PRKCB: variants seen among roughly 807,000 people sequenced by gnomAD.
PRKCB encodes the protein protein kinase C beta.
In PRKCB, 13 loss-of-function variants were observed where a neutral mutation model predicts 81.5. That is an observed-to-expected ratio of 0.16 (90% CI 0.10 to 0.25). The LOEUF is 0.25. Ranked by LOEUF, PRKCB falls within the 10% of genes least tolerant of loss-of-function variation. The pLI is 1.00. For missense variants in PRKCB, 509 were observed against 875.7 expected, an observed-to-expected ratio of 0.58 and a Z score of 5.29; for synonymous variants, 335 against 321.4, an observed-to-expected ratio of 1.04 and a Z score of -0.45.
intron 3 of PRKCB, among the ~76,000 whole-genome samples, chr16:24,013,622 G>A (rs1402730284): frequency 6.6e-6 from 1 of 152,138 alleles, no homozygotes; most frequent in Non-Finnish European, 1.5e-5. Flanking sequence ...CCCCTGCTGG[G>A]ATCTGTAAAT....
At chr16:23,953,057 T>C (rs1161572776) in intron 2 of PRKCB, among the ~76,000 whole-genome samples, 1 of 152,206 alleles carries the variant, frequency 6.6e-6, no homozygotes, top group Non-Finnish European at 1.5e-5. Flanking sequence ...CCATGCATTA[T>C]TGCGTTTAAT....
At chr16:24,005,953 A>G (rs562184332) in intron 3 of PRKCB, among the ~76,000 whole-genome samples, 2 of 152,342 alleles carry the variant, frequency 1.3e-5, no homozygotes, top group South Asian at 2.1e-4. Flanking sequence ...TGAGGGTTGA[A>G]CATCTCTCTT....
At chr16:23,840,451 G>A (rs1962245084) in intron 2 of PRKCB, among the ~76,000 whole-genome samples, 2 of 152,172 alleles carry the variant, frequency 1.3e-5, no homozygotes, top group Admixed American at 1.3e-4. Flanking sequence ...AGGGCATATA[G>A]CACATGCTCG....
chr16:23,925,554 T>A (rs1212643189), intron 2 of PRKCB, among the ~76,000 whole-genome samples: 1 of 152,110 alleles, frequency 6.6e-6, no homozygotes, highest in Non-Finnish European at 1.5e-5. Context: ...AGCCTTGAAG[T>A]GCCGAAACCC....
intron 2 of PRKCB, among the ~76,000 whole-genome samples, chr16:23,869,484 C>T (rs548868980): frequency 2.0e-5 from 3 of 152,336 alleles, no homozygotes; most frequent in African/African-American, 7.2e-5. Flanking sequence ...TGAGCCAGGT[C>T]GAACTCCCAA....
At position 24,191,168 on chromosome 16, in the gene PRKCB, C is replaced by T. The variant is rs753672328; in HGVS notation, c.1801C>T (p.Arg601Trp). ...TGATATCAAAGAGCATGCATTTTTCCGGTATATTGATTGGGAGAAACTTGA... is the reference window on the plus strand; with the variant it reads ...TGATATCAAAGAGCATGCATTTTTCTGGTATATTGATTGGGAGAAACTTGA... ...ERDIKEHAFF[R>W]YIDWEKLERK... is the part of the protein sequence containing the mutation. Residue 601 changes from arginine (R) to tryptophan (W), a missense_variant, in exon 16 of 17, where the codon CGG becomes TGG. By Grantham distance (101) the Arg-to-Trp change is moderately radical. Coordinates refer to ENST00000643927, the MANE Select transcript of PRKCB (RefSeq NM_002738.7). 4.3e-6 allele frequency: 7 copies of T among 1,614,046 alleles called. No individual in the cohort carries two copies. The highest frequency in any genetic ancestry group is 2.2e-5 in the East Asian group (1 of 44,878).
intron 2 of PRKCB, among the ~76,000 whole-genome samples, chr16:23,934,319 T>G (rs1340253832): frequency 1.7e-4 from 1 of 5,738 alleles, no homozygotes; most frequent in Admixed American, 1.3e-3. Flanking sequence ...AAAAAAGCTG[T>G]TTTTTTTTTT....
intron 16 of PRKCB, among the ~76,000 whole-genome samples, chr16:24,212,177 T>C (rs1968148336): frequency 6.6e-6 from 1 of 152,152 alleles, no homozygotes; most frequent in African/African-American, 2.4e-5. Flanking sequence ...GTCCTTAGCT[T>C]GGCTGATACT....
intron 2 of PRKCB, among the ~76,000 whole-genome samples, chr16:23,971,538 G>A (rs898672021): frequency 1.8e-4 from 28 of 152,160 alleles, no homozygotes; most frequent in African/African-American, 6.5e-4. Context: ...TTAAGCCAAA[G>A]GGAGGTGGCA....
rs770864109 is a variant in PRKCB at position 24,123,825 on chromosome 16, C to G, written c.919-10C>G. 1 of 1,613,396 alleles carries G rather than the reference C, an allele frequency of 6.2e-7. No homozygotes were observed. The highest frequency in any genetic ancestry group is 1.3e-5 in the African/African-American group (1 of 74,860). ...CCTGAGCATGTTTTCTGTGTGCTTC[C>G]TTTTTGCAGAGGGCCAAGATCAGTC... On this transcript the variant is annotated splice_polypyrimidine_tract_variant and intron_variant, in intron 8 of 16. Coordinates refer to ENST00000643927, the MANE Select transcript of PRKCB (RefSeq NM_002738.7).
At chr16:23,886,052 A>C (rs1347752279) in intron 2 of PRKCB, among the ~76,000 whole-genome samples, 1 of 152,232 alleles carries the variant, frequency 6.6e-6, no homozygotes, top group African/African-American at 2.4e-5. Flanking sequence ...CAACTCTTTG[A>C]GACAAGTGTG....
At chr16:23,844,056 A>G (rs1164321661) in intron 2 of PRKCB, among the ~76,000 whole-genome samples, 1 of 152,216 alleles carries the variant, frequency 6.6e-6, no homozygotes, top group African/African-American at 2.4e-5. Flanking sequence ...CTTTTCAGAT[A>G]CAGGTCATTA....
At chr16:24,117,715 G>A (rs1966751094) in intron 8 of PRKCB, among the ~76,000 whole-genome samples, 1 of 152,148 alleles carries the variant, frequency 6.6e-6, no homozygotes, top group Admixed American at 6.5e-5. Flanking sequence ...AGCACCATAA[G>A]TTAATAAGGA....
chr16:23,881,996 T>TTCTTTCTTTCTTTC (rs1432248441), intron 2 of PRKCB, among the ~76,000 whole-genome samples: 2 of 63,024 alleles, frequency 3.2e-5, no homozygotes, highest in African/African-American at 1.2e-4. Flanking sequence ...CTTTCTTTCT[T>TTCTTTCTTTCTTTC]TCTTTCTTTC....
At chr16:24,094,050 G>T in intron 6 of PRKCB, 113 bp from the exon 7 acceptor site, 1 of 1,203,292 alleles carries the variant, frequency 8.3e-7, no homozygotes, top group South Asian at 1.6e-5. Flanking sequence ...GTTTCTTTCA[G>T]CAGCTTGTAA....
chr16:23,981,294 C>T (rs902180371), intron 2 of PRKCB, among the ~76,000 whole-genome samples: 1 of 152,006 alleles, frequency 6.6e-6, no homozygotes, highest in African/African-American at 2.4e-5. Flanking sequence ...CCTCTGCTTC[C>T]ATCATCACGT....
At chr16:23,865,969 C>T (rs150042290) in intron 2 of PRKCB, among the ~76,000 whole-genome samples, 152 of 152,246 alleles carry the variant, frequency 1.0e-3, no homozygotes, top group Non-Finnish European at 1.8e-3. Context: ...CCCCCGGGCT[C>T]TATGGGATCC....
At chr16:23,868,801 C>T (rs965834648) in intron 2 of PRKCB, among the ~76,000 whole-genome samples, 6 of 152,294 alleles carry the variant, frequency 3.9e-5, no homozygotes, top group Middle Eastern at 3.4e-3. Context: ...CCATCTCACA[C>T]GAAGCATCAG....
At chr16:23,900,707 C>T (rs1286910600) in intron 2 of PRKCB, among the ~76,000 whole-genome samples, 3 of 117,410 alleles carry the variant, frequency 2.6e-5, no homozygotes, top group Non-Finnish European at 5.0e-5. Context: ...TTCATTTTAA[C>T]AGCTGCACAG....
Sources: allele counts gnomAD v4.1 joint callset (sites outside exome capture counted in the v4.1 genomes callset), GRCh38; gene constraint gnomAD v4.1.1; transcripts MANE v1.5; gene names NCBI Gene and HGNC (gene_info 2026-07-23, HGNC 2026-07-21).